The following GSDME variants were observed in gnomAD, a reference collection of about 807,000 sequenced individuals.
GSDME encodes the protein gasdermin E.
In GSDME, 44 loss-of-function variants were observed where a neutral mutation model predicts 47.5. The observed-to-expected ratio is 0.93, with a 90% CI of 0.73 to 1.19. The LOEUF (loss-of-function observed/expected upper bound fraction) is 1.19, where lower values mean the gene tolerates loss of function less well. GSDME is among the 50% of genes most tolerant of loss of function. The pLI, the probability that GSDME is intolerant of heterozygous loss-of-function variation, is 0.00. For missense variants in GSDME, 663 were observed against 604.2 expected, an observed-to-expected ratio of 1.10 and a Z score of -1.02; for synonymous variants, 258 against 252.8, an observed-to-expected ratio of 1.02 and a Z score of -0.20.
the GSDME span, among the ~76,000 whole-genome samples, chr7:24,764,495 G>A: frequency 6.6e-6 from 1 of 152,152 alleles, no homozygotes; most frequent in East Asian, 1.9e-4. The surrounding 1 kb of genome is among the most constrained non-coding windows in gnomAD (Gnocchi z 4.4). Flanking sequence ...CAGTGGGAAT[G>A]GGCACACAGG....
the GSDME span, among the ~76,000 whole-genome samples, chr7:24,772,159 A>T: frequency 6.6e-6 from 1 of 152,124 alleles, no homozygotes; most frequent in Non-Finnish European, 1.5e-5. This position sits in a 1 kb window ranked among gnomAD's most constrained non-coding sequence, Gnocchi z 4.5. Flanking sequence ...TCACTCTGTG[A>T]GGAAGGTGCC....
At chr7:24,777,174 C>T in the GSDME span, among the ~76,000 whole-genome samples, 7 of 152,122 alleles carry the variant, frequency 4.6e-5, no homozygotes, top group African/African-American at 9.7e-5. Context: ...CTTCCTTACA[C>T]GGGTTGAACT....
chr7:24,756,938 G>A lies in GSDME; in HGVS notation c.-20+458C>T, dbSNP rs539311757. On this transcript the variant is annotated intron_variant, in intron 1 of 9. Transcript: ENST00000645220. This position sits in a 1 kb window ranked among gnomAD's most constrained non-coding sequence, Gnocchi z 4.2. ...GACTGAACTCCGTATCTGTTCCGCG[G>A]TCCGCCTCCCTGCACACACGCCCCC... Among the ~76,000 whole-genome samples, 1 of 152,204 alleles carries A rather than the reference G, an allele frequency of 6.6e-6. No homozygotes were observed. The highest frequency in any genetic ancestry group is 2.4e-5 in the African/African-American group (1 of 41,542).
chr7:24,730,004 C>G (rs751620919), intron 3 of GSDME, among the ~76,000 whole-genome samples: 12 of 152,178 alleles, frequency 7.9e-5, no homozygotes, highest in Non-Finnish European at 1.3e-4. Flanking sequence ...GAGGCAGAAT[C>G]AACTGGTAAG....
the GSDME span, among the ~76,000 whole-genome samples, chr7:24,780,980 T>A: frequency 6.6e-6 from 1 of 152,238 alleles, no homozygotes; most frequent in Non-Finnish European, 1.5e-5. This position sits in a 1 kb window ranked among gnomAD's most constrained non-coding sequence, Gnocchi z 4.1. Context: ...ACGCAGGGAC[T>A]CAGGCCCCAT....
At chr7:24,718,471 A>G (rs189751343) in intron 4 of GSDME, among the ~76,000 whole-genome samples, 183 of 152,326 alleles carry the variant, frequency 1.2e-3, no homozygotes, top group Non-Finnish European at 1.9e-3. Flanking sequence ...CTCAACCCAC[A>G]AAGGATTTGC....
intron 5 of GSDME, among the ~76,000 whole-genome samples, chr7:24,715,908 G>A (rs1443247104): frequency 6.6e-6 from 1 of 152,108 alleles, no homozygotes; most frequent in Non-Finnish European, 1.5e-5. Flanking sequence ...GAATGAGAGA[G>A]GGAGACTCTG....
At chr7:24,788,628 G>A in the GSDME span, among the ~76,000 whole-genome samples, 18 of 152,250 alleles carry the variant, frequency 1.2e-4, no homozygotes, top group Middle Eastern at 6.8e-3. This position sits in a 1 kb window ranked among gnomAD's most constrained non-coding sequence, Gnocchi z 4.6. Flanking sequence ...AATCACTGAC[G>A]GACATTAACG....
At chr7:24,771,599 G>A in the GSDME span, among the ~76,000 whole-genome samples, 7 of 152,210 alleles carry the variant, frequency 4.6e-5, no homozygotes, top group East Asian at 1.9e-4. This position sits in a 1 kb window ranked among gnomAD's most constrained non-coding sequence, Gnocchi z 4.1. Context: ...GAGTTTTTGG[G>A]CCTCTATTCT....
chr7:24,716,596 C>T lies in GSDME; in HGVS notation c.697+658G>A, dbSNP rs981770622. ...TGAACACCTAAAGTGAGCAGACACG[C>T]TGAACCAAAGCTTGGATTTTCTTCC... On this transcript the variant is annotated intron_variant, in intron 5 of 9. Transcript: ENST00000645220. This position sits in a 1 kb window ranked among gnomAD's most constrained non-coding sequence, Gnocchi z 4.5. 1 of 156,914 alleles carries T rather than the reference C, an allele frequency of 6.4e-6. No individual in the cohort carries two copies. Among genetic ancestry groups the T allele is most frequent in the Non-Finnish European group, 1.4e-5 (1 of 70,810 alleles). 9.7% of individuals were successfully genotyped at this position (156,914 alleles called of 1,614,324 possible). A position where few individuals can be genotyped will look rare whatever the true frequency, so the allele number is the denominator to read the frequency against.
In GSDME at chr7:24,725,486, G is replaced by T. The variant is rs1026283479; in HGVS notation, c.405-6268C>A. Among the ~76,000 whole-genome samples, 1 of 152,246 alleles carries T rather than the reference G, an allele frequency of 6.6e-6. No individual in the cohort carries two copies. Among genetic ancestry groups the T allele is most frequent in the East Asian group, 1.9e-4 (1 of 5,168 alleles). ...GTTAAACAAGGAAGGGGTTTATTCG[G>T]CCGGGAGCGTCGGCAAGACTCCTGT... On this transcript the variant is annotated intron_variant, in intron 3 of 9. Transcript: ENST00000645220. The surrounding 1 kb of genome is among the most constrained non-coding windows in gnomAD (Gnocchi z 5.1).
the GSDME span, among the ~76,000 whole-genome samples, chr7:24,789,984 C>A: frequency 6.6e-6 from 1 of 152,106 alleles, no homozygotes; most frequent in Non-Finnish European, 1.5e-5. Flanking sequence ...AGTTTTAAAT[C>A]CTCCTAACAC....
the GSDME span, among the ~76,000 whole-genome samples, chr7:24,785,826 T>C: frequency 6.6e-6 from 1 of 152,248 alleles, no homozygotes; most frequent in Non-Finnish European, 1.5e-5. Flanking sequence ...AGTTCCTTCC[T>C]TCTAGCCCTC....
At position 24,714,800 on chromosome 7, in the gene GSDME, C is replaced by T. The variant is rs904498240; in HGVS notation, c.697+2454G>A. ...CTCCTGGGACAAACAGGAGGAAGCT[C>T]GCATGGGGACCACCACCTAGAGTGG... is the stretch of plus-strand genomic sequence containing the variant. On this transcript the variant is annotated intron_variant, in intron 5 of 9. Coordinates refer to ENST00000645220, the MANE Select transcript of GSDME (RefSeq NM_001127453.2). This position sits in a 1 kb window ranked among gnomAD's most constrained non-coding sequence, Gnocchi z 5.0. 4.6e-5 allele frequency among the ~76,000 whole-genome samples: 7 copies of T among 152,192 alleles called. No individual in the cohort carries two copies. The highest frequency in any genetic ancestry group is 1.7e-4 in the African/African-American group (7 of 41,440).
At chr7:24,730,965 C>T (rs564261809) in intron 3 of GSDME, among the ~76,000 whole-genome samples, 1 of 152,306 alleles carries the variant, frequency 6.6e-6, no homozygotes, top group East Asian at 1.9e-4. Context: ...AAGGAAGCAA[C>T]AGAAGTCAGA....
At chr7:24,750,160 A>T (rs1304070154) in intron 1 of GSDME, among the ~76,000 whole-genome samples, 1 of 152,186 alleles carries the variant, frequency 6.6e-6, no homozygotes, top group African/African-American at 2.4e-5. Context: ...CATCTTGAAC[A>T]CTGTCAATCA....
chr7:24,717,077 C>G lies in GSDME; in HGVS notation c.697+177G>C, dbSNP rs150778518. On this transcript the variant is annotated intron_variant, in intron 5 of 9. Coordinates refer to ENST00000645220, the MANE Select transcript of GSDME (RefSeq NM_001127453.2). The stretch of plus-strand genomic sequence containing the variant: ...AGGCATCCCTCACCACACCCCTCCC[C>G]CAGTGCAGCCCATGTGTCCAGGGAC... 2,432 of 676,724 alleles carry G rather than the reference C, an allele frequency of 3.6e-3. 16 individuals are homozygous for G. The highest frequency in any genetic ancestry group is 5.5e-3 in the Middle Eastern group (22 of 4,006). The allele number at this position is 676,724 out of a possible 1,614,324, so 41.9% of individuals were successfully genotyped here.
At chr7:24,713,072 G>A (rs58595039) in intron 5 of GSDME, among the ~76,000 whole-genome samples, 3,324 of 151,424 alleles carry the variant, frequency 0.022, 130 homozygotes, top group African/African-American at 0.077. Context: ...AGTTTTACAT[G>A]ACATGGAAGC....
Position 24,744,585 on chromosome 7 carries a change from C to T in GSDME, c.381G>A (p.Gln127=). Residue 127 remains glutamine (Q), a synonymous_variant, in exon 3 of 10, where the codon CAG becomes CAA. Transcript: ENST00000645220. This position sits in a 1 kb window ranked among gnomAD's most constrained non-coding sequence, Gnocchi z 4.5. The part of the protein sequence containing the change: ...TLRKQEVDLQ[Q]LIRDSAERTI... ...ACCTCTCGGCAGAGTCTCTGATGAG[C>T]TGCTGCAAATCCACCTCCTGCTTCC... 2.5e-6 allele frequency: 4 copies of T among 1,614,182 alleles called. No individual in the cohort carries two copies. The highest frequency in any genetic ancestry group is 3.4e-6 in the Non-Finnish European group (4 of 1,180,036).
Sources: gnomAD v4.1 joint callset for allele counts (sites outside exome capture counted in the v4.1 genomes callset) on GRCh38, gnomAD v4.1.1 for gene constraint, Gnocchi (gnomAD v3.1) non-coding constraint, MANE v1.5 for transcripts, NCBI Gene and HGNC (gene_info 2026-07-23, HGNC 2026-07-21) for gene names.